ATG7: variants seen among roughly 807,000 people sequenced by gnomAD.
ATG7 encodes autophagy related 7, also known as ubiquitin-like modifier-activating enzyme ATG7.
ATG7 carries 70 observed loss-of-function variants against 82.4 expected under a neutral mutation model. That is an observed-to-expected ratio of 0.85 (90% CI 0.70 to 1.04). ATG7 has a LOEUF of 1.04. ATG7 is among the 50% of genes least tolerant of loss of function. The probability of loss-of-function intolerance (pLI) is 0.00; values close to 1 mark genes in which losing one functional copy is unlikely to be tolerated. For synonymous variants in ATG7, 287 were observed against 313.0 expected, an observed-to-expected ratio of 0.92 and a Z score of 0.88; for missense variants, 792 against 864.3, an observed-to-expected ratio of 0.92 and a Z score of 1.05.
rs1163397908 is a variant in ATG7 at position 11,342,259 on chromosome 3, A to AATGT, written c.1107_1110dup (p.Ala371CysfsTer3). ...GCTTGGAGCCGGCACCTTGGGTTGC[A>AATGT]ATGTAGCTAGGACGTTGATGGTAAG... On this transcript the variant is annotated frameshift_variant, in exon 13 of 21. Coordinates refer to ENST00000693202, the MANE Select transcript of ATG7 (RefSeq NM_001349232.2). LOFTEE classifies it high-confidence loss of function. 1 of 1,613,308 alleles carries AATGT rather than the reference A, an allele frequency of 6.2e-7. No individual in the cohort carries two copies. The highest frequency in any genetic ancestry group is 8.5e-7 in the Non-Finnish European group (1 of 1,179,920).
intron 3 of ATG7, chr3:11,290,376 T>A (rs73123398): frequency 0.042 from 7,086 of 168,234 alleles, 507 homozygotes; most frequent in African/African-American, 0.15. Context: ...AGGCCAAGCA[T>A]GAGGAATAAG....
At chr3:11,353,606 G>T (rs943846788) in intron 14 of ATG7, among the ~76,000 whole-genome samples, 3 of 152,178 alleles carry the variant, frequency 2.0e-5, no homozygotes, top group African/African-American at 7.2e-5. Context: ...GATCCCTCAT[G>T]AATGGCTTGG....
At chr3:11,355,196 T>C (rs1232530220) in intron 14 of ATG7, among the ~76,000 whole-genome samples, 1 of 152,062 alleles carries the variant, frequency 6.6e-6, no homozygotes, top group Non-Finnish European at 1.5e-5. Flanking sequence ...GATTCCAGAG[T>C]TCACACGAGC....
rs376889147 is a variant in ATG7, at chr3:11,372,308, AT to A, written c.1875+7584del. On this transcript the variant is annotated intron_variant, in intron 18 of 20. Coordinates refer to ENST00000693202, the MANE Select transcript of ATG7 (RefSeq NM_001349232.2). ...ATTGTAGAGCTAGTTTAGGCGTACA[AT>A]TTTTTTTTTCTAGACGTTTCTATGG... is the stretch of plus-strand genomic sequence containing the variant. Among the ~76,000 whole-genome samples, 6 of 148,850 alleles carry A rather than the reference AT, an allele frequency of 4.0e-5. No individual in the cohort carries two copies. In the East Asian group the frequency reaches 5.8e-4, roughly 14 times the overall value.
chr3:11,532,555 C>T lies in ATG7; in HGVS notation c.2080-22256C>T, dbSNP rs145395722. Among the ~76,000 whole-genome samples the T allele has an allele frequency of 1.1e-4, 16 of 152,144 alleles. No homozygotes were observed. In the East Asian group the frequency reaches 2.1e-3, roughly 20 times the overall value. On this transcript the variant is annotated intron_variant, in intron 20 of 20. Coordinates refer to ENST00000693202, the MANE Select transcript of ATG7 (RefSeq NM_001349232.2). Reference sequence around the variant, plus strand: ...CTGGGCAACATGGCAACGTCCTGTCCGTTCATAAAATTCAAAAATTAGCCA... The same window carrying T: ...CTGGGCAACATGGCAACGTCCTGTCTGTTCATAAAATTCAAAAATTAGCCA...
At chr3:11,386,205 A>G (rs759100850) in intron 19 of ATG7, among the ~76,000 whole-genome samples, 2 of 152,174 alleles carry the variant, frequency 1.3e-5, no homozygotes, top group Non-Finnish European at 2.9e-5. Context: ...GTTGAATGAG[A>G]TAAGTTCTGG....
downstream of ATG7, chr3:11,557,702 T>A (rs904614359): frequency 6.5e-6 from 1 of 152,754 alleles, no homozygotes; most frequent in Admixed American, 6.6e-5. Flanking sequence ...ACTGTCTATA[T>A]AATTAATAGA....
chr3:11,455,330 C>T (rs2085597194), intron 20 of ATG7, among the ~76,000 whole-genome samples: 1 of 152,166 alleles, frequency 6.6e-6, no homozygotes, highest in African/African-American at 2.4e-5. Flanking sequence ...CTAGCACTTG[C>T]CACCCAGAAT....
At chr3:11,505,578 A>C (rs1163277320) in intron 20 of ATG7, among the ~76,000 whole-genome samples, 2 of 152,202 alleles carry the variant, frequency 1.3e-5, no homozygotes, top group African/African-American at 4.8e-5. Flanking sequence ...CGTCCTTTAC[A>C]AGTCCTTACC....
intron 20 of ATG7, among the ~76,000 whole-genome samples, chr3:11,506,554 C>CAAAAAAAAAAAAA (rs754696496): frequency 4.0e-5 from 1 of 24,920 alleles, no homozygotes; most frequent in African/African-American, 1.7e-4. Context: ...CCCATCTCTA[C>CAAAAAAAAAAAAA]AAAAAAAAAA....
intron 20 of ATG7, chr3:11,446,873 G>A (rs756986082): frequency 6.4e-6 from 1 of 157,060 alleles, no homozygotes; most frequent in South Asian, 1.8e-4. Flanking sequence ...GAGAGACATC[G>A]TGTTGTCCAT....
chr3:11,300,170 G>A (rs962651221), intron 5 of ATG7, among the ~76,000 whole-genome samples: 5 of 152,034 alleles, frequency 3.3e-5, no homozygotes, highest in African/African-American at 7.2e-5. Context: ...CAAGTGATTC[G>A]CCTGCCTTGG....
chr3:11,323,859 C>T (rs1345274817), intron 9 of ATG7, among the ~76,000 whole-genome samples: 4 of 152,172 alleles, frequency 2.6e-5, no homozygotes, highest in Non-Finnish European at 2.9e-5. Context: ...CGTGTAATCT[C>T]CTTTGTGCAT....
chr3:11,285,376 G>A (rs1473634315), intron 3 of ATG7, among the ~76,000 whole-genome samples: 7 of 150,694 alleles, frequency 4.6e-5, no homozygotes, highest in East Asian at 2.0e-4. Context: ...GGGGCCCACC[G>A]TGTTGCCCAG....
intron 20 of ATG7, among the ~76,000 whole-genome samples, chr3:11,490,928 G>T (rs2090283143): frequency 6.6e-6 from 1 of 152,006 alleles, no homozygotes; most frequent in South Asian, 2.1e-4. Flanking sequence ...TTCAACTTTG[G>T]TGAATCTGAC....
chr3:11,558,965 C>G, downstream of ATG7: 1 of 1,050,488 alleles, frequency 9.5e-7, no homozygotes, highest in Non-Finnish European at 1.4e-6. Flanking sequence ...CAGAACCCAC[C>G]TCCCCCGGCT....
intron 15 of ATG7, among the ~76,000 whole-genome samples, 169 bp downstream of exon 15, chr3:11,358,781 C>G (rs1329060758): frequency 6.6e-6 from 1 of 152,196 alleles, no homozygotes; most frequent in Non-Finnish European, 1.5e-5. Flanking sequence ...CACACCATCA[C>G]CCAATGTAAT....
intron 20 of ATG7, among the ~76,000 whole-genome samples, chr3:11,541,330 T>C (rs1397932527): frequency 6.6e-6 from 1 of 152,224 alleles, no homozygotes; most frequent in African/African-American, 2.4e-5. Context: ...TTGAAAAGAT[T>C]GTCCTTTCTC....
chr3:11,285,221 G>A (rs968725427), intron 3 of ATG7, among the ~76,000 whole-genome samples: 5 of 127,040 alleles, frequency 3.9e-5, no homozygotes, highest in African/African-American at 9.1e-5. Context: ...ACCCTGTCAC[G>A]CAGGCTGGAG....
Sources: allele counts gnomAD v4.1 joint callset (sites outside exome capture counted in the v4.1 genomes callset), GRCh38; gene constraint gnomAD v4.1.1; transcripts MANE v1.5; gene names NCBI Gene and HGNC (gene_info 2026-07-23, HGNC 2026-07-21).